COL9A2: variants seen among roughly 807,000 people sequenced by gnomAD.
COL9A2 encodes the protein collagen type IX alpha 2 chain, also known as collagen alpha-2(IX) chain.
A neutral mutation model predicts 111.6 loss-of-function variants in COL9A2; 66 were observed. The ratio of observed to expected loss-of-function variants is 0.59; its 90% confidence interval spans 0.48 to 0.73. The LOEUF (loss-of-function observed/expected upper bound fraction) is 0.73. Ranked by LOEUF, COL9A2 falls within the 30% of genes least tolerant of loss-of-function variation. The probability of loss-of-function intolerance (pLI) is 0.00; values close to 1 mark genes in which losing one functional copy is unlikely to be tolerated. For missense variants in COL9A2, 881 were observed against 954.1 expected, an observed-to-expected ratio of 0.92 and a Z score of 1.01; for synonymous variants, 353 against 364.1, an observed-to-expected ratio of 0.97 and a Z score of 0.35.
rs751487740 is a variant in COL9A2, at chr1:40,310,715, G to A, written c.683C>T (p.Pro228Leu). The A allele has an allele frequency of 1.1e-5, 17 of 1,566,630 alleles. No individual in the cohort carries two copies. The highest frequency in any genetic ancestry group is 8.2e-5 in the South Asian group (7 of 84,860). ...CCACTGAGGCAAGGTGTTCCTTACC[G>A]GTGGTCCAGGGATGCCTTGCTCTCC... ...ASGEQGIPGP[P>L]GPQGIRGYPG... Residue 228 changes from proline (P) to leucine (L), a missense_variant and splice_region_variant, in exon 13 of 32, where the codon CCG becomes CTG. Physicochemically the swap from Pro to Leu is moderately conservative, Grantham distance 98. Transcript: ENST00000372748. This position sits in a 1 kb window ranked among gnomAD's most constrained non-coding sequence, Gnocchi z 4.9.
intron 16 of COL9A2, 100 bp from the exon 17 acceptor site, chr1:40,308,345 G>A: frequency 7.9e-7 from 1 of 1,261,734 alleles, no homozygotes; most frequent in Non-Finnish European, 1.1e-6. Context: ...CTAGGTCCCA[G>A]AGTTCCTCTG....
chr1:40,310,902 C>T lies in COL9A2; in HGVS notation c.631-135G>A. ...CTACGAACCCTACAGTCCTGTGTTACAGATAGAGAAAAGCCAAGCAAGGAG... is the reference window on the plus strand; with the variant it reads ...CTACGAACCCTACAGTCCTGTGTTATAGATAGAGAAAAGCCAAGCAAGGAG... On this transcript the variant is annotated intron_variant, in intron 12 of 31. Coordinates refer to ENST00000372748, the MANE Select transcript of COL9A2 (RefSeq NM_001852.4). This position sits in a 1 kb window ranked among gnomAD's most constrained non-coding sequence, Gnocchi z 4.9. 2 of 1,056,222 alleles carry T rather than the reference C, an allele frequency of 1.9e-6. No individual in the cohort carries two copies. Among genetic ancestry groups the T allele is most frequent in the Admixed American group, 2.0e-5 (1 of 50,366 alleles). The allele number at this position is 1,056,222 out of a possible 1,614,324, so 65.4% of individuals were successfully genotyped here. A position where few individuals can be genotyped will look rare whatever the true frequency, so the allele number is the denominator to read the frequency against.
At position 40,310,048 on chromosome 1, in the gene COL9A2, C is replaced by T. The variant is rs1425646649; in HGVS notation, c.793-57G>A. On this transcript the variant is annotated intron_variant, in intron 15 of 31. Coordinates refer to ENST00000372748, the MANE Select transcript of COL9A2 (RefSeq NM_001852.4). The surrounding 1 kb of genome is among the most constrained non-coding windows in gnomAD (Gnocchi z 4.9). Reference sequence around the variant, plus strand: ...ACACAGGCTCAGGGGGAGCCATGCCCACTCTGTGGCTGTAGCTGTAGGAGC... The same window carrying T: ...ACACAGGCTCAGGGGGAGCCATGCCTACTCTGTGGCTGTAGCTGTAGGAGC... 6.2e-7 allele frequency: 1 copy of T among 1,613,380 alleles called. No individual in the cohort carries two copies. Among genetic ancestry groups the T allele is most frequent in the Non-Finnish European group, 8.5e-7 (1 of 1,179,404 alleles).
intron 24 of COL9A2, 84 bp downstream of exon 24, chr1:40,304,236 C>CT: frequency 6.5e-7 from 1 of 1,532,360 alleles, no homozygotes; most frequent in Non-Finnish European, 8.8e-7. Flanking sequence ...GGTTTGGAGG[C>CT]TCCGGAAGGA....
In COL9A2 at chr1:40,301,896, A is replaced by C. The variant is rs760683637; in HGVS notation, c.1793-7T>G. ...CCCTTCTCTCCACGTTTTCCTGTAG[A>C]CAAAAAAGGAAATCTTCATTTTTCA... On this transcript the variant is annotated splice_polypyrimidine_tract_variant and splice_region_variant and intron_variant, in intron 30 of 31. Transcript: ENST00000372748. 1.2e-6 allele frequency: 2 copies of C among 1,612,954 alleles called. No individual in the cohort carries two copies. The highest frequency in any genetic ancestry group is 1.7e-6 in the Non-Finnish European group (2 of 1,179,350).
chr1:40,305,206 T>C (rs906648913), intron 21 of COL9A2, among the ~76,000 whole-genome samples: 3 of 151,814 alleles, frequency 2.0e-5, no homozygotes, highest in African/African-American at 7.3e-5. Context: ...TAGCTGGGAC[T>C]ACAGGTGCCT....
In COL9A2 at chr1:40,315,432, C is replaced by T. The variant is rs1005518812; in HGVS notation, c.150+158G>A. 1.5e-5 allele frequency: 21 copies of T among 1,440,804 alleles called. No individual in the cohort carries two copies. In the Admixed American group the frequency reaches 6.0e-4, roughly 41 times the overall value. 89.3% of individuals were successfully genotyped at this position (1,440,804 alleles called of 1,614,324 possible). A position where few individuals can be genotyped will look rare whatever the true frequency, so the allele number is the denominator to read the frequency against. Reference sequence around the variant, plus strand: ...GGGCTGGTTTGAGGTTTTTGCAGAACAAACGGCGTCCTTGTGGTGCGGGCC... The same window carrying T: ...GGGCTGGTTTGAGGTTTTTGCAGAATAAACGGCGTCCTTGTGGTGCGGGCC... On this transcript the variant is annotated intron_variant, in intron 2 of 31. Transcript: ENST00000372748.
chr1:40,306,012 G>C, intron 20 of COL9A2, 131 bp downstream of exon 20: 3 of 1,033,408 alleles, frequency 2.9e-6, no homozygotes, highest in Non-Finnish European at 4.5e-6. Flanking sequence ...GGTGGCAGGA[G>C]GGAGGTGGTT....
chr1:40,305,430 G>A (rs1044890967), intron 21 of COL9A2, among the ~76,000 whole-genome samples: 2 of 152,198 alleles, frequency 1.3e-5, no homozygotes, highest in African/African-American at 4.8e-5. Context: ...AGTTGCAAGT[G>A]TTTAGTGAAT....
Position 40,314,535 on chromosome 1 carries a change from A to G in COL9A2, c.151-148T>C. 1.0e-6 allele frequency: 1 copy of G among 965,120 alleles called. No individual in the cohort carries two copies. Among genetic ancestry groups the G allele is most frequent in the Non-Finnish European group, 1.6e-6 (1 of 609,744 alleles). 59.8% of individuals were successfully genotyped at this position (965,120 alleles called of 1,614,324 possible). Reference sequence around the variant, plus strand: ...CCTAAGCCTTGCAATCTTTGGGAAAAGAGCCCCCTTTTCCTCAAAAATAAA... The same window carrying G: ...CCTAAGCCTTGCAATCTTTGGGAAAGGAGCCCCCTTTTCCTCAAAAATAAA... On this transcript the variant is annotated intron_variant, in intron 2 of 31. Transcript: ENST00000372748. The surrounding 1 kb of genome is among the most constrained non-coding windows in gnomAD (Gnocchi z 4.1).
chr1:40,301,426 CAG>C (rs1463266849), intron 31 of COL9A2, 45 bp from the exon 32 acceptor site: 1 of 1,544,098 alleles, frequency 6.5e-7, no homozygotes, highest in African/African-American at 1.4e-5. Flanking sequence ...CCTCTTGTCT[CAG>C]GCCCAGAATT....
chr1:40,311,128 C>T lies in COL9A2; in HGVS notation c.595G>A (p.Gly199Arg), dbSNP rs1557801781. 7 of 1,614,204 alleles carry T rather than the reference C, an allele frequency of 4.3e-6. No individual in the cohort carries two copies. The highest frequency in any genetic ancestry group is 1.3e-5 in the African/African-American group (1 of 75,050). ...QGVKGHAGKR[G>R]ILGDPGHQGK... ...TGGTGGCCAGGATCACCCAGAATCCCGCGTTTGCCCGCATGCCCCTGAAGG... is the reference window on the plus strand; with the variant it reads ...TGGTGGCCAGGATCACCCAGAATCCTGCGTTTGCCCGCATGCCCCTGAAGG... The change falls in exon 12 of 32, where the codon GGG (glycine) becomes AGG (arginine). Residue 199 changes from glycine (G) to arginine (R), a missense_variant. Gly to Arg is a moderately radical substitution (Grantham distance 125). Coordinates refer to ENST00000372748, the MANE Select transcript of COL9A2 (RefSeq NM_001852.4). This position sits in a 1 kb window ranked among gnomAD's most constrained non-coding sequence, Gnocchi z 5.1.
At position 40,312,581 on chromosome 1, in the gene COL9A2, C is replaced by T. The variant is rs1468944465; in HGVS notation, c.332G>A (p.Gly111Asp). 8 of 1,613,988 alleles carry T rather than the reference C, an allele frequency of 5.0e-6. No individual in the cohort carries two copies. In the South Asian group the frequency reaches 8.8e-5, roughly 18 times the overall value. ...KGQPGLPGPP[G>D]LPGPGFAGPP... ...CTTGCAGGTTGTACTCACCGGAAGGCCAGGAGGACCAGGAAGCCCGGGCTG... is the reference window on the plus strand; with the variant it reads ...CTTGCAGGTTGTACTCACCGGAAGGTCAGGAGGACCAGGAAGCCCGGGCTG... The change falls in exon 6 of 32, where the codon GGC becomes GAC. Residue 111 changes from glycine (G) to aspartate (D), a missense_variant. Gly to Asp is a moderately conservative substitution (Grantham distance 94, BLOSUM62 -1). Coordinates refer to ENST00000372748, the MANE Select transcript of COL9A2 (RefSeq NM_001852.4). This position sits in a 1 kb window ranked among gnomAD's most constrained non-coding sequence, Gnocchi z 6.0.
chr1:40,312,422 TTCTGGGGATC>T lies in COL9A2; in HGVS notation c.363+24_363+33del. The T allele has an allele frequency of 6.2e-7, 1 of 1,610,454 alleles. No homozygotes were observed. Among genetic ancestry groups the T allele is most frequent in the East Asian group, 2.2e-5 (1 of 44,720 alleles). On this transcript the variant is annotated intron_variant, in intron 7 of 31. Transcript: ENST00000372748. The surrounding 1 kb of genome is among the most constrained non-coding windows in gnomAD (Gnocchi z 6.0). Reference sequence around the variant, plus strand: ...CTGTTGTCCCCTCCTTCCCTGGGAGTTCTGGGGATCCTGCCCCATCCCTGAGGACTTACAG... The same window carrying T: ...CTGTTGTCCCCTCCTTCCCTGGGAGTCTGCCCCATCCCTGAGGACTTACAG...
rs1173020708 is a variant in COL9A2, at chr1:40,301,003, C to A, written c.*179G>T. Reference sequence around the variant, plus strand: ...GTGTTGGCCTCACTTTTTCACCCATCAGTGCTCTACCTCCCCTTCCCCCAT... The same window carrying A: ...GTGTTGGCCTCACTTTTTCACCCATAAGTGCTCTACCTCCCCTTCCCCCAT... On this transcript the variant is annotated 3_prime_UTR_variant, in exon 32 of 32. Transcript: ENST00000372748. 6.1e-6 allele frequency: 4 copies of A among 652,678 alleles called. No individual in the cohort carries two copies. The highest frequency in any genetic ancestry group is 1.1e-5 in the Non-Finnish European group (4 of 377,412). 40.4% of individuals were successfully genotyped at this position (652,678 alleles called of 1,614,324 possible). A position where few individuals can be genotyped will look rare whatever the true frequency, so the allele number is the denominator to read the frequency against.
At chr1:40,305,672 A>C in intron 21 of COL9A2, 43 bp downstream of exon 21, 1 of 1,587,052 alleles carries the variant, frequency 6.3e-7, no homozygotes, top group Admixed American at 1.7e-5. Flanking sequence ...CCATGGCCTC[A>C]CCCTAAAGCA....
intron 22 of COL9A2, 70 bp from the exon 23 acceptor site, chr1:40,304,599 G>A: frequency 3.8e-6 from 6 of 1,569,450 alleles, no homozygotes; most frequent in Non-Finnish European, 5.2e-6. Context: ...CCGAGGCCTG[G>A]CACCGCATGG....
In COL9A2 at chr1:40,303,688, T is replaced by TG; in HGVS notation, c.1402-13dup. 8.4e-7 allele frequency: 1 copy of TG among 1,186,868 alleles called. No homozygotes were observed. Among genetic ancestry groups the TG allele is most frequent in the Non-Finnish European group, 1.1e-6 (1 of 930,224 alleles). The allele number at this position is 1,186,868 out of a possible 1,614,324, so 73.5% of individuals were successfully genotyped here. ...CCACGTACTCCTTGCTGCGGGGGGA[T>TG]GGGGGTGGGAGCAGAGCCGGGTGAG... On this transcript the variant is annotated splice_polypyrimidine_tract_variant and intron_variant, in intron 27 of 31. Transcript: ENST00000372748. The surrounding 1 kb of genome is among the most constrained non-coding windows in gnomAD (Gnocchi z 4.6).
chr1:40,311,243 A>T lies in COL9A2; in HGVS notation c.563T>A (p.Leu188Gln), dbSNP rs1409012079. 6.2e-7 allele frequency: 1 copy of T among 1,614,174 alleles called. No individual in the cohort carries two copies. The highest frequency in any genetic ancestry group is 2.2e-5 in the East Asian group (1 of 44,886). Reference protein sequence around the residue: ...CPPGMKGPPGLQGVKGHAGKR... With the variant: ...CPPGMKGPPGQQGVKGHAGKR... The stretch of plus-strand genomic sequence containing the variant: ...AGGAGCTCTCACCTTCACTCCCTGC[A>T]GCCCTGGGGGACCTTTCATTCCGGG... Residue 188 changes from leucine (L) to glutamine (Q), a missense_variant, in exon 11 of 32, where the codon CTG becomes CAG. Leu to Gln is a moderately radical substitution (Grantham distance 113). Transcript: ENST00000372748. The surrounding 1 kb of genome is among the most constrained non-coding windows in gnomAD (Gnocchi z 5.1).
Sources: gnomAD v4.1 joint callset for allele counts (sites outside exome capture counted in the v4.1 genomes callset) on GRCh38, gnomAD v4.1.1 for gene constraint, Gnocchi (gnomAD v3.1) non-coding constraint, MANE v1.5 for transcripts, NCBI Gene and HGNC (gene_info 2026-07-23, HGNC 2026-07-21) for gene names.